MEGF10: variants seen among roughly 807,000 people sequenced by gnomAD.
MEGF10 encodes the protein multiple EGF like domains 10.
A neutral mutation model predicts 147.5 loss-of-function variants in MEGF10; 86 were observed. That is an observed-to-expected ratio of 0.58 (90% CI 0.49 to 0.70). The LOEUF is 0.70. Among genes scored for constraint, MEGF10 ranks in the 30% least tolerant of loss-of-function variants. MEGF10 has a pLI of 0.00. For synonymous variants in MEGF10, 478 were observed against 525.5 expected, an observed-to-expected ratio of 0.91 and a Z score of 1.24; for missense variants, 1,329 against 1,487.3, an observed-to-expected ratio of 0.89 and a Z score of 1.75.
chr5:127,373,245 G>A (rs1378752605), intron 5 of MEGF10, among the ~76,000 whole-genome samples: 1 of 152,100 alleles, frequency 6.6e-6, no homozygotes, highest in Non-Finnish European at 1.5e-5. Flanking sequence ...TCTGCCTCCT[G>A]GGTTCAAGCA....
chr5:127,431,489 T>C (rs548472933), intron 13 of MEGF10, among the ~76,000 whole-genome samples: 1 of 152,260 alleles, frequency 6.6e-6, no homozygotes, highest in East Asian at 1.9e-4. Flanking sequence ...GTCCCCACCC[T>C]AACAAAAAAG....
chr5:127,295,610 T>C (rs951795102), intron 1 of MEGF10, among the ~76,000 whole-genome samples: 1 of 152,228 alleles, frequency 6.6e-6, no homozygotes, highest in Admixed American at 6.5e-5. Flanking sequence ...ATTGAACTAT[T>C]GGCTTAGGGC....
intron 19 of MEGF10, chr5:127,444,566 A>G (rs1765871353): frequency 6.6e-6 from 1 of 152,226 alleles, no homozygotes; most frequent in Non-Finnish European, 1.5e-5. Context: ...CTGAAAGCTT[A>G]AGTGAAAGTT....
chr5:127,279,736 A>G, the MEGF10 span, among the ~76,000 whole-genome samples: 5 of 152,208 alleles, frequency 3.3e-5, no homozygotes, highest in Non-Finnish European at 5.9e-5. Context: ...CAAATAGACT[A>G]TCAACCCAGC....
intron 12 of MEGF10, 73 bp from the exon 13 acceptor site, chr5:127,422,597 A>G: frequency 1.8e-6 from 2 of 1,109,840 alleles, no homozygotes; most frequent in Non-Finnish European, 2.8e-6. Flanking sequence ...AATGGCTGAC[A>G]GTGGCCTTTT....
the MEGF10 span, among the ~76,000 whole-genome samples, chr5:127,230,011 G>T: frequency 2.0e-5 from 3 of 152,314 alleles, no homozygotes; most frequent in East Asian, 5.8e-4. Flanking sequence ...AAAAACGAAA[G>T]AGTTCATCAG....
At chr5:127,411,593 C>T (rs1764566651) in intron 9 of MEGF10, among the ~76,000 whole-genome samples, 1 of 152,014 alleles carries the variant, frequency 6.6e-6, no homozygotes, top group Admixed American at 6.5e-5. Context: ...TGCTGTAATA[C>T]ATTTTAGTGG....
At chr5:127,447,536 C>T (rs1198929963) in intron 20 of MEGF10, 21 bp from the exon 21 acceptor site, 2 of 1,613,660 alleles carry the variant, frequency 1.2e-6, no homozygotes, top group Non-Finnish European at 1.7e-6. Context: ...CTGCCTTAAC[C>T]ATTTCCTTCC....
chr5:127,313,039 TA>T (rs1394698816), intron 1 of MEGF10, among the ~76,000 whole-genome samples: 6 of 152,180 alleles, frequency 3.9e-5, no homozygotes, highest in African/African-American at 1.4e-4. Flanking sequence ...GAAATTAATC[TA>T]AGAATTTAAT....
At chr5:127,263,905 A>G in the MEGF10 span, among the ~76,000 whole-genome samples, 1 of 152,308 alleles carries the variant, frequency 6.6e-6, no homozygotes, top group East Asian at 1.9e-4. Context: ...CAGAGCCTGC[A>G]CAATGTAATT....
the MEGF10 span, among the ~76,000 whole-genome samples, chr5:127,231,576 T>G: frequency 6.6e-6 from 1 of 152,348 alleles, no homozygotes; most frequent in East Asian, 1.9e-4. Context: ...TCTATAATCT[T>G]CTTGATAATC....
At chr5:127,333,518 A>C (rs537181027) in intron 2 of MEGF10, among the ~76,000 whole-genome samples, 1 of 59,584 alleles carries the variant, frequency 1.7e-5, no homozygotes, top group Non-Finnish European at 4.5e-5. Context: ...CTCAAAAAAA[A>C]TAAAAATAAA....
chr5:127,414,107 A>T (rs1192324269), intron 9 of MEGF10, among the ~76,000 whole-genome samples: 1 of 152,206 alleles, frequency 6.6e-6, no homozygotes, highest in Non-Finnish European at 1.5e-5. Flanking sequence ...ACTGAAGTAA[A>T]CTTAAAAATT....
At chr5:127,348,088 G>A (rs1761957678) in intron 4 of MEGF10, among the ~76,000 whole-genome samples, 1 of 152,052 alleles carries the variant, frequency 6.6e-6, no homozygotes, top group Non-Finnish European at 1.5e-5. Context: ...CTAAAGTTGA[G>A]TAAATATTAA....
the MEGF10 span, among the ~76,000 whole-genome samples, chr5:127,268,035 C>T: frequency 2.0e-5 from 3 of 152,038 alleles, no homozygotes; most frequent in African/African-American, 7.2e-5. Flanking sequence ...TAGATCTTTC[C>T]TGCTTTCTCT....
chr5:127,400,529 C>T (rs1023551937), intron 7 of MEGF10, among the ~76,000 whole-genome samples: 2 of 152,220 alleles, frequency 1.3e-5, no homozygotes, highest in African/African-American at 4.8e-5. Context: ...TTCCTATACT[C>T]AGCCTTTTGC....
intron 1 of MEGF10, among the ~76,000 whole-genome samples, chr5:127,311,399 G>A (rs1760281427): frequency 6.6e-6 from 1 of 152,192 alleles, no homozygotes; most frequent in African/African-American, 2.4e-5. Flanking sequence ...TGTTATGTAA[G>A]TTTTAGTCTT....
chr5:127,247,479 G>GAAGAAGA, the MEGF10 span, among the ~76,000 whole-genome samples: 1 of 148,426 alleles, frequency 6.7e-6, no homozygotes, highest in Non-Finnish European at 1.5e-5. Flanking sequence ...AGAAGAAGAA[G>GAAGAAGA]AAGAAGAAAA....
intron 5 of MEGF10, among the ~76,000 whole-genome samples, chr5:127,382,147 C>T (rs999230397): frequency 6.6e-6 from 1 of 152,140 alleles, no homozygotes; most frequent in Non-Finnish European, 1.5e-5. Flanking sequence ...AAAATTCATA[C>T]ACAACCTAGT....
Sources: gnomAD v4.1 joint callset for allele counts (sites outside exome capture counted in the v4.1 genomes callset) on GRCh38, gnomAD v4.1.1 for gene constraint, MANE v1.5 for transcripts, NCBI Gene and HGNC (gene_info 2026-07-23, HGNC 2026-07-21) for gene names.